COL5A2: variants seen among roughly 807,000 people sequenced by gnomAD.
The protein encoded by COL5A2 is collagen type V alpha 2 chain, also known as collagen alpha-2(V) chain.
COL5A2 carries 23 observed loss-of-function variants against 208.2 expected under a neutral mutation model. The observed-to-expected ratio is 0.11, with a 90% CI of 0.08 to 0.16. The LOEUF (loss-of-function observed/expected upper bound fraction) is 0.16. Among genes scored for constraint, COL5A2 ranks in the 10% least tolerant of loss-of-function variants. The pLI is 1.00. For synonymous variants in COL5A2, 625 were observed against 628.5 expected (o/e 0.99, Z 0.08); for missense variants, 1,590 against 1,956.4 (o/e 0.81, Z 3.53).
intron 1 of COL5A2, among the ~76,000 whole-genome samples, chr2:189,219,314 T>C (rs1158122583): frequency 6.6e-6 from 1 of 152,206 alleles, no homozygotes; most frequent in Non-Finnish European, 1.5e-5. Flanking sequence ...TAAAAAAGAC[T>C]GGTTAACACT....
chr2:189,106,447 T>A (rs1687149909), intron 2 of COL5A2, among the ~76,000 whole-genome samples: 1 of 151,372 alleles, frequency 6.6e-6, no homozygotes, highest in South Asian at 2.1e-4. Flanking sequence ...GCTTGTTAAT[T>A]TTGCACTCTC....
intron 4 of COL5A2, among the ~76,000 whole-genome samples, 159 bp from the exon 5 acceptor site, chr2:189,098,918 G>T (rs1387968673): frequency 6.6e-6 from 1 of 152,144 alleles, no homozygotes; most frequent in Non-Finnish European, 1.5e-5. Flanking sequence ...TAAGATTTAA[G>T]ATATTATCTA....
chr2:189,061,712 T>C, intron 29 of COL5A2, 97 bp from the exon 30 acceptor site: 1 of 925,822 alleles, frequency 1.1e-6, no homozygotes, highest in Non-Finnish European at 1.8e-6. Flanking sequence ...TTATTTGTAT[T>C]TCTTCCAATC....
chr2:189,110,516 G>T, intron 1 of COL5A2, 67 bp from the exon 2 acceptor site: 1 of 1,466,080 alleles, frequency 6.8e-7, no homozygotes. Context: ...TAAAAGGTGA[G>T]CCATCTTGTG....
intron 1 of COL5A2, among the ~76,000 whole-genome samples, chr2:189,152,227 A>G (rs527523367): frequency 1.3e-5 from 2 of 152,352 alleles, no homozygotes; most frequent in Non-Finnish European, 2.9e-5. Context: ...AATTTAAAAT[A>G]CAAGATGATG....
upstream of COL5A2, among the ~76,000 whole-genome samples, chr2:189,183,221 C>T (rs1045355261): frequency 3.9e-5 from 6 of 152,140 alleles, no homozygotes; most frequent in African/African-American, 1.4e-4. Context: ...TAACAGTTGA[C>T]ATTCTGATTA....
At chr2:189,269,270 A>G in the COL5A2 span, among the ~76,000 whole-genome samples, 3 of 151,966 alleles carry the variant, frequency 2.0e-5, no homozygotes, top group Non-Finnish European at 1.5e-5. Context: ...AAAAATCTCA[A>G]TTTCCCAGAA....
At chr2:189,058,358 C>T (rs1685946152) in intron 33 of COL5A2, 71 bp downstream of exon 33, 1 of 1,159,650 alleles carries the variant, frequency 8.6e-7, no homozygotes, top group African/African-American at 1.5e-5. Flanking sequence ...AATGCATTCT[C>T]ACACCATCAT....
chr2:189,081,110 C>G, intron 12 of COL5A2, 67 bp from the exon 13 acceptor site: 4 of 1,310,048 alleles, frequency 3.1e-6, no homozygotes, highest in Non-Finnish European at 4.4e-6. Context: ...CTTAATATAT[C>G]ATTTTTTCCC....
At chr2:189,318,918 C>T in the COL5A2 span, among the ~76,000 whole-genome samples, 1 of 152,128 alleles carries the variant, frequency 6.6e-6, no homozygotes, top group Admixed American at 6.5e-5. Context: ...GGACACCCTG[C>T]ATCTGATTAA....
chr2:189,267,328 A>G, the COL5A2 span, among the ~76,000 whole-genome samples: 2 of 152,140 alleles, frequency 1.3e-5, no homozygotes, highest in African/African-American at 4.8e-5. Context: ...TAAAATCTCT[A>G]AAAATATTTA....
In COL5A2 at chr2:189,078,580, T is replaced by C; in HGVS notation, c.1006-11A>G. 1 of 1,610,218 alleles carries C rather than the reference T, an allele frequency of 6.2e-7. No individual in the cohort carries two copies. Among genetic ancestry groups the C allele is most frequent in the Non-Finnish European group, 8.5e-7 (1 of 1,176,640 alleles). ...CATTCCCCTCGGACCCTATAGACGATAGAGAAGAAATGTCTCTTGAAGCAC... is the reference window on the plus strand; with the variant it reads ...CATTCCCCTCGGACCCTATAGACGACAGAGAAGAAATGTCTCTTGAAGCAC... On this transcript the variant is annotated splice_polypyrimidine_tract_variant and intron_variant, in intron 15 of 53. Transcript: ENST00000374866.
At chr2:189,310,410 A>G in the COL5A2 span, among the ~76,000 whole-genome samples, 1 of 152,256 alleles carries the variant, frequency 6.6e-6, no homozygotes, top group Non-Finnish European at 1.5e-5. Context: ...TATATCCAAA[A>G]GACAGGAAAT....
the COL5A2 span, among the ~76,000 whole-genome samples, chr2:189,400,552 T>TATAATAA: frequency 6.6e-6 from 1 of 152,206 alleles, no homozygotes; most frequent in Non-Finnish European, 1.5e-5. Flanking sequence ...TATTATAAAG[T>TATAATAA]CCATGTTAAC....
upstream of COL5A2, among the ~76,000 whole-genome samples, chr2:189,226,171 C>A (rs901955233): frequency 6.6e-6 from 1 of 152,102 alleles, no homozygotes; most frequent in Admixed American, 6.6e-5. Flanking sequence ...ATTTTCTCTA[C>A]TACAGATAAA....
At chr2:189,336,007 A>G in the COL5A2 span, among the ~76,000 whole-genome samples, 1 of 152,208 alleles carries the variant, frequency 6.6e-6, no homozygotes, top group South Asian at 2.1e-4. Flanking sequence ...TTTATCTGAC[A>G]AAGATCTTTT....
chr2:189,180,422 C>A (rs950282077), upstream of COL5A2, among the ~76,000 whole-genome samples: 9 of 152,140 alleles, frequency 5.9e-5, no homozygotes, highest in African/African-American at 2.2e-4. Context: ...GGGGCCACAT[C>A]TTCAGGTTCC....
the COL5A2 span, among the ~76,000 whole-genome samples, chr2:189,356,249 C>G: frequency 2.0e-5 from 3 of 152,032 alleles, no homozygotes; most frequent in East Asian, 5.8e-4. Flanking sequence ...AATTATGTGT[C>G]TTGGGGTTGC....
the COL5A2 span, among the ~76,000 whole-genome samples, chr2:189,248,036 T>C: frequency 6.6e-6 from 1 of 152,228 alleles, no homozygotes; most frequent in Non-Finnish European, 1.5e-5. Flanking sequence ...CTAATTCACA[T>C]GGAAATACTT....
Sources: allele counts gnomAD v4.1 joint callset (sites outside exome capture counted in the v4.1 genomes callset), GRCh38; gene constraint gnomAD v4.1.1; transcripts MANE v1.5; gene names NCBI Gene and HGNC (gene_info 2026-07-23, HGNC 2026-07-21).